Variants in PDGFC observed in about 807,000 individuals in gnomAD.
PDGFC encodes platelet derived growth factor C.
PDGFC carries 12 observed loss-of-function variants against 35.5 expected under a neutral mutation model. The observed-to-expected ratio is 0.34, with a 90% CI of 0.22 to 0.55. The LOEUF (loss-of-function observed/expected upper bound fraction) is 0.55, where lower values mean the gene tolerates loss of function less well. PDGFC is among the 20% of genes least tolerant of loss of function. PDGFC has a pLI of 0.91. For synonymous variants in PDGFC, 159 were observed against 148.8 expected (o/e 1.07, Z -0.50); for missense variants, 322 against 412.4 (o/e 0.78, Z 1.90).
intron 3 of PDGFC, among the ~76,000 whole-genome samples, chr4:156,793,532 TGC>T (rs1491387802): frequency 1.0e-5 from 1 of 98,422 alleles, no homozygotes; most frequent in Non-Finnish European, 2.1e-5. Context: ...ATGAATTATG[TGC>T]ATATATATAT....
chr4:156,816,873 C>G (rs917714608), intron 2 of PDGFC, among the ~76,000 whole-genome samples: 2 of 152,116 alleles, frequency 1.3e-5, no homozygotes, highest in Non-Finnish European at 1.5e-5. Flanking sequence ...TAGGGCCATA[C>G]AGATAAAACT....
At chr4:156,885,152 TACATAC>T (rs1211417452) in intron 1 of PDGFC, among the ~76,000 whole-genome samples, 2,397 of 131,002 alleles carry the variant, frequency 0.018, 68 homozygotes, top group African/African-American at 0.086. Flanking sequence ...TGTATGTGCA[TACATAC>T]ACACACACAC....
At chr4:156,880,151 A>G (rs762563312) in intron 1 of PDGFC, among the ~76,000 whole-genome samples, 19 of 152,214 alleles carry the variant, frequency 1.2e-4, no homozygotes, top group Non-Finnish European at 2.6e-4. Context: ...TAGGTGAAAC[A>G]GTCTTCAGTT....
intron 1 of PDGFC, among the ~76,000 whole-genome samples, chr4:156,860,814 G>A (rs1217544129): frequency 1.3e-5 from 2 of 152,004 alleles, no homozygotes; most frequent in African/African-American, 4.8e-5. Flanking sequence ...TTTTATAGCA[G>A]TTATCATACT....
At chr4:156,898,752 T>C (rs545270248) in intron 1 of PDGFC, among the ~76,000 whole-genome samples, 1 of 152,230 alleles carries the variant, frequency 6.6e-6, no homozygotes, top group South Asian at 2.1e-4. Context: ...TCAACTTCTC[T>C]TGGGCCAAAG....
At chr4:156,825,596 GAAGAAGAA>G (rs1732439405) in intron 2 of PDGFC, among the ~76,000 whole-genome samples, 4 of 72,852 alleles carry the variant, frequency 5.5e-5, no homozygotes, top group African/African-American at 1.7e-4. Context: ...ATAATAATAA[GAAGAAGAA>G]GAAGAAGAAG....
chr4:156,825,136 T>C (rs767245583), intron 2 of PDGFC, among the ~76,000 whole-genome samples: 5 of 152,136 alleles, frequency 3.3e-5, no homozygotes, highest in Non-Finnish European at 5.9e-5. Context: ...TTGAACACAG[T>C]CGAGGTAGGC....
chr4:156,967,135 G>A (rs983018067), intron 1 of PDGFC, among the ~76,000 whole-genome samples: 2 of 151,798 alleles, frequency 1.3e-5, no homozygotes, highest in African/African-American at 2.4e-5. Context: ...TTAGTCTGCA[G>A]TTAGAGCCTA....
At chr4:156,814,640 G>A (rs1732030539) in intron 2 of PDGFC, among the ~76,000 whole-genome samples, 1 of 151,888 alleles carries the variant, frequency 6.6e-6, no homozygotes, top group African/African-American at 2.4e-5. Flanking sequence ...TTCTCTTCAG[G>A]AAGTCTAAAA....
chr4:156,767,956 T>G lies in PDGFC; in HGVS notation c.738A>C (p.Arg246Ser). 6.2e-7 allele frequency: 1 copy of G among 1,611,444 alleles called. No individual in the cohort carries two copies. The highest frequency in any genetic ancestry group is 8.5e-7 in the Non-Finnish European group (1 of 1,177,668). Residue 246 changes from arginine to serine, a missense_variant, in exon 5 of 6, where the codon AGA becomes AGC. Transcript: ENST00000502773. Reference sequence around the variant, plus strand: ...AGTTACGAGGTGTGCAGCTGTATAATCTTACCTCCTCTGTTAGAAGGTTCA... The same window carrying G: ...AGTTACGAGGTGTGCAGCTGTATAAGCTTACCTCCTCTGTTAGAAGGTTCA... ...VDLNLLTEEV[R>S]LYSCTPRNFS...
intron 2 of PDGFC, among the ~76,000 whole-genome samples, chr4:156,824,043 A>G (rs1158618726): frequency 6.6e-6 from 1 of 151,942 alleles, no homozygotes; most frequent in East Asian, 1.9e-4. Flanking sequence ...TCATAGAAAC[A>G]GAAATTAGAA....
chr4:156,816,203 C>T (rs1043636913), intron 2 of PDGFC, among the ~76,000 whole-genome samples: 8 of 152,176 alleles, frequency 5.3e-5, no homozygotes, highest in Admixed American at 1.3e-4. Flanking sequence ...TAAATCTACC[C>T]TATGAATTAT....
chr4:156,874,560 T>C (rs1457340870), intron 1 of PDGFC, among the ~76,000 whole-genome samples: 1 of 151,886 alleles, frequency 6.6e-6, no homozygotes, highest in African/African-American at 2.4e-5. Flanking sequence ...GAAATTGAAA[T>C]AAAAAATGAA....
At chr4:156,942,239 C>T (rs1731827431) in intron 1 of PDGFC, among the ~76,000 whole-genome samples, 2 of 151,944 alleles carry the variant, frequency 1.3e-5, no homozygotes, top group South Asian at 4.2e-4. Context: ...AGAAGGCTGG[C>T]CAGGGGAGGA....
At chr4:156,903,966 T>C (rs1248481844) in intron 1 of PDGFC, among the ~76,000 whole-genome samples, 4 of 152,166 alleles carry the variant, frequency 2.6e-5, no homozygotes, top group Admixed American at 1.3e-4. Flanking sequence ...TTCATAGTGA[T>C]GCCTGCCTTT....
chr4:156,853,411 TTA>T (rs1188010990), intron 1 of PDGFC, among the ~76,000 whole-genome samples: 2 of 152,170 alleles, frequency 1.3e-5, no homozygotes, highest in African/African-American at 4.8e-5. Context: ...ACGTTTTTAT[TTA>T]TGAGATATAA....
Position 156,904,585 on chromosome 4 carries a change from T to C in PDGFC, c.119-54169A>G, listed in dbSNP as rs984812345. Among the ~76,000 whole-genome samples, 6 of 152,150 alleles carry C rather than the reference T, an allele frequency of 3.9e-5. No homozygotes were observed. The East Asian group carries it at 9.6e-4, about 24-fold the overall frequency. On this transcript the variant is annotated intron_variant, in intron 1 of 5. Transcript: ENST00000502773. ...AATCTCTTAAGATTTTTATGTGACA[T>C]ATCTTAGTAGATACAAAGACATATA...
chr4:156,856,883 T>C lies in PDGFC; in HGVS notation c.119-6467A>G, dbSNP rs189145039. ...ACAAACATATTTCAGCAGAAAGTGA[T>C]AGGACTTAGAGTATGCATTATTGAG... On this transcript the variant is annotated intron_variant, in intron 1 of 5. Transcript: ENST00000502773. Among the ~76,000 whole-genome samples the C allele has an allele frequency of 2.2e-3, 331 of 152,240 alleles. 1 individual carries two copies. Among genetic ancestry groups the C allele is most frequent in the African/African-American group, 7.7e-3 (320 of 41,570 alleles).
chr4:156,768,050 T>C, intron 4 of PDGFC, 60 bp from the exon 5 acceptor site: 1 of 961,112 alleles, frequency 1.0e-6, no homozygotes, highest in Non-Finnish European at 1.7e-6. Flanking sequence ...CCTGAATGTA[T>C]TTCATTAAGC....
Sources: allele counts gnomAD v4.1 joint callset (sites outside exome capture counted in the v4.1 genomes callset), GRCh38; gene constraint gnomAD v4.1.1; transcripts MANE v1.5; gene names NCBI Gene and HGNC (gene_info 2026-07-23, HGNC 2026-07-21).